The following GRIK4 variants were observed in gnomAD, a reference collection of about 807,000 sequenced individuals.
The protein encoded by GRIK4 is glutamate receptor ionotropic, kainate 4.
In GRIK4, 40 loss-of-function variants were observed where a neutral mutation model predicts 104.9. That is an observed-to-expected ratio of 0.38 (90% CI 0.30 to 0.50). The LOEUF (loss-of-function observed/expected upper bound fraction) is 0.50, where lower values mean the gene tolerates loss of function less well. GRIK4 is among the 20% of genes least tolerant of loss of function. GRIK4 has a pLI of 0.93. For missense variants in GRIK4, 1,047 were observed against 1,308.1 expected (o/e 0.80, Z 3.08); for synonymous variants, 485 against 524.9 (o/e 0.92, Z 1.04).
chr11:120,911,529 G>T (rs1592071474), intron 13 of GRIK4, among the ~76,000 whole-genome samples: 1 of 141,862 alleles, frequency 7.0e-6, no homozygotes, highest in Non-Finnish European at 1.5e-5. Flanking sequence ...GAGCCACCGC[G>T]CCCGGCCCAA....
intron 13 of GRIK4, among the ~76,000 whole-genome samples, chr11:120,923,550 C>A (rs915358534): frequency 6.6e-6 from 1 of 151,538 alleles, no homozygotes; most frequent in Admixed American, 6.6e-5. Context: ...GTAGCTGGGA[C>A]TACAGGCACC....
Position 120,741,259 on chromosome 11 carries a change from A to G in GRIK4, c.83-61434A>G, listed in dbSNP as rs577331265. Among the ~76,000 whole-genome samples the G allele has an allele frequency of 4.6e-5, 7 of 151,490 alleles. No individual in the cohort carries two copies. In the East Asian group the frequency reaches 1.4e-3, roughly 29 times the overall value. ...GTTTACACAGCTGAGAAGTGGCAGA[A>G]CAGGCCGTGTGCTTTCTTTTTTTTT... On this transcript the variant is annotated intron_variant, in intron 3 of 20. Coordinates refer to ENST00000527524, the MANE Select transcript of GRIK4 (RefSeq NM_014619.5).
chr11:120,948,157 G>T (rs1356084560), intron 14 of GRIK4, among the ~76,000 whole-genome samples: 1 of 152,196 alleles, frequency 6.6e-6, no homozygotes, highest in South Asian at 2.1e-4. Flanking sequence ...CCCAGAAGGA[G>T]TCTTGGAGAC....
intron 14 of GRIK4, among the ~76,000 whole-genome samples, chr11:120,945,289 G>A (rs544621083): frequency 6.6e-6 from 1 of 152,290 alleles, no homozygotes; most frequent in South Asian, 2.1e-4. Context: ...AGATGGAGCT[G>A]CTTGCCCTCT....
chr11:120,938,031 T>G (rs1046093367), intron 13 of GRIK4, among the ~76,000 whole-genome samples: 1 of 152,132 alleles, frequency 6.6e-6, no homozygotes, highest in African/African-American at 2.4e-5. Context: ...TTTCATCACT[T>G]TTAATTTTTC....
intron 3 of GRIK4, among the ~76,000 whole-genome samples, chr11:120,672,850 A>G (rs1950043070): frequency 6.6e-6 from 1 of 152,238 alleles, no homozygotes; most frequent in African/African-American, 2.4e-5. Context: ...TTTTCTAAAT[A>G]TATAATCATG....
intron 13 of GRIK4, among the ~76,000 whole-genome samples, chr11:120,909,694 A>C (rs926465391): frequency 6.6e-6 from 1 of 152,170 alleles, no homozygotes; most frequent in Admixed American, 6.5e-5. Context: ...CCTCCCCAAC[A>C]AGGGGCTTGG....
At chr11:120,623,288 G>A (rs1421943675) in intron 1 of GRIK4, among the ~76,000 whole-genome samples, 4 of 152,104 alleles carry the variant, frequency 2.6e-5, no homozygotes, top group Non-Finnish European at 4.4e-5. Flanking sequence ...GCTACACTCA[G>A]CTAATTTTTT....
chr11:120,814,776 G>T (rs1235862347), intron 4 of GRIK4, among the ~76,000 whole-genome samples: 1 of 152,180 alleles, frequency 6.6e-6, no homozygotes, highest in African/African-American at 2.4e-5. Context: ...GCTTCAGGAC[G>T]AAGTGAACGA....
chr11:120,829,410 A>G (rs1046652177), intron 6 of GRIK4, among the ~76,000 whole-genome samples: 1 of 152,208 alleles, frequency 6.6e-6, no homozygotes, highest in Non-Finnish European at 1.5e-5. Context: ...CTGCCAAACA[A>G]AACGGGGATG....
chr11:120,751,904 C>T (rs1044726805), intron 3 of GRIK4, among the ~76,000 whole-genome samples: 2 of 152,066 alleles, frequency 1.3e-5, no homozygotes, highest in Non-Finnish European at 2.9e-5. Flanking sequence ...TGTGGTATGT[C>T]GGGAGGGGAT....
chr11:120,714,532 A>T (rs926550619), intron 3 of GRIK4, among the ~76,000 whole-genome samples: 1 of 152,140 alleles, frequency 6.6e-6, no homozygotes, highest in Non-Finnish European at 1.5e-5. Context: ...GGTTAGGGAG[A>T]GGACACAGAA....
intron 8 of GRIK4, among the ~76,000 whole-genome samples, chr11:120,855,752 G>A (rs561947398): frequency 6.6e-6 from 1 of 152,262 alleles, no homozygotes; most frequent in South Asian, 2.1e-4. Context: ...TAGTAGAGAT[G>A]GGGTTTCACC....
chr11:120,943,496 GT>G (rs947036342), intron 14 of GRIK4, among the ~76,000 whole-genome samples: 1 of 152,132 alleles, frequency 6.6e-6, no homozygotes, highest in African/African-American at 2.4e-5. Context: ...AAGATCTGCT[GT>G]GGCTAAAGGA....
At chr11:120,900,467 AC>A (rs1279325192) in intron 12 of GRIK4, among the ~76,000 whole-genome samples, 1 of 152,274 alleles carries the variant, frequency 6.6e-6, no homozygotes, top group East Asian at 1.9e-4. Flanking sequence ...GCATCCATGA[AC>A]CAAAAAGACA....
chr11:120,922,321 T>C (rs965985816), intron 13 of GRIK4, among the ~76,000 whole-genome samples: 6 of 152,144 alleles, frequency 3.9e-5, no homozygotes, highest in African/African-American at 1.4e-4. Flanking sequence ...GGTCAGTGTG[T>C]TCTCCTGACT....
chr11:120,602,078 C>T (rs574193560), intron 1 of GRIK4, among the ~76,000 whole-genome samples: 1 of 152,164 alleles, frequency 6.6e-6, no homozygotes, highest in South Asian at 2.1e-4. Flanking sequence ...CAGCCAGGTA[C>T]CCCGGGGCTG....
chr11:120,705,644 C>T (rs780513148), intron 3 of GRIK4, among the ~76,000 whole-genome samples: 3 of 152,178 alleles, frequency 2.0e-5, no homozygotes, highest in Non-Finnish European at 2.9e-5. Context: ...TCCATGAAAA[C>T]GAAATGTCTT....
intron 1 of GRIK4, among the ~76,000 whole-genome samples, chr11:120,519,877 TTTG>T (rs938853791): frequency 5.6e-5 from 6 of 106,624 alleles, no homozygotes; most frequent in East Asian, 2.2e-4. Context: ...TTTTTTTTTT[TTTG>T]TTTTTTTTTT....
Sources: gnomAD v4.1 joint callset for allele counts (sites outside exome capture counted in the v4.1 genomes callset) on GRCh38, gnomAD v4.1.1 for gene constraint, MANE v1.5 for transcripts, NCBI Gene and HGNC (gene_info 2026-07-23, HGNC 2026-07-21) for gene names.